VPS13B: variants seen among roughly 807,000 people sequenced by gnomAD.
The protein encoded by VPS13B is intermembrane lipid transfer protein VPS13B.
In VPS13B, 285 loss-of-function variants were observed where a neutral mutation model predicts 426.4. That is an observed-to-expected ratio of 0.67 (90% CI 0.61 to 0.74). The LOEUF is 0.74. Ranked by LOEUF, VPS13B falls within the 30% of genes least tolerant of loss-of-function variation. The probability of loss-of-function intolerance (pLI) is 0.00; values close to 1 mark genes in which losing one functional copy is unlikely to be tolerated. For synonymous variants in VPS13B, 1,676 were observed against 1,676.4 expected (o/e 1.00, Z 0.01); for missense variants, 4,537 against 4,782.6 (o/e 0.95, Z 1.51).
Position 99,872,319 on chromosome 8 carries a change from C to G in VPS13B, c.11745+622C>G, listed in dbSNP as rs78655322. On this transcript the variant is annotated intron_variant, in intron 61 of 61. Coordinates refer to ENST00000357162, the MANE Select transcript of VPS13B (RefSeq NM_152564.5). ...TTGTGAAGTGGTCTCTCTCTCAAATCCACTGCTTTGTATTCTGTGGCTGTG... is the reference window on the plus strand; with the variant it reads ...TTGTGAAGTGGTCTCTCTCTCAAATGCACTGCTTTGTATTCTGTGGCTGTG... Among the ~76,000 whole-genome samples, 401 of 152,316 alleles carry G rather than the reference C, an allele frequency of 2.6e-3. 3 individuals are homozygous for G. Among genetic ancestry groups the G allele is most frequent in the African/African-American group, 9.2e-3 (382 of 41,556 alleles).
chr8:99,192,773 T>G, intron 16 of VPS13B, 103 bp from the exon 17 acceptor site: 5 of 1,214,312 alleles, frequency 4.1e-6, no homozygotes, highest in Non-Finnish European at 5.9e-6. Flanking sequence ...CATACATACT[T>G]TGGATGTATA....
intron 7 of VPS13B, among the ~76,000 whole-genome samples, chr8:99,118,614 A>T (rs935359022): frequency 6.6e-6 from 1 of 152,062 alleles, no homozygotes; most frequent in Non-Finnish European, 1.5e-5. Context: ...AGTTTTGCTG[A>T]TTCTAGAATT....
chr8:99,473,691 G>T (rs1189444062), intron 24 of VPS13B, among the ~76,000 whole-genome samples: 1 of 152,024 alleles, frequency 6.6e-6, no homozygotes, highest in East Asian at 1.9e-4. Flanking sequence ...ATTAATAAAA[G>T]ATATAAAGAT....
intron 11 of VPS13B, 90 bp downstream of exon 11, chr8:99,135,823 A>G (rs910874900): frequency 6.5e-7 from 1 of 1,539,840 alleles, no homozygotes; most frequent in Admixed American, 1.7e-5. Flanking sequence ...TTCTTTTCAA[A>G]TAATGCCTTC....
At chr8:99,710,646 TC>T (rs11298366) in intron 36 of VPS13B, among the ~76,000 whole-genome samples, 152,253 of 152,254 alleles carry the variant, frequency 1, 76,126 homozygotes, top group Non-Finnish European at 1. Flanking sequence ...TGGTTTACTA[TC>T]CTGTAAGTGA....
chr8:99,032,552 C>G (rs1194828555), intron 2 of VPS13B, among the ~76,000 whole-genome samples: 7 of 141,016 alleles, frequency 5.0e-5, no homozygotes, highest in African/African-American at 1.8e-4. Context: ...TTTTTTGAGA[C>G]AGAGTCTCGC....
rs1192025517 is a variant in VPS13B at position 99,274,330 on chromosome 8, C to T, written c.2648C>T (p.Pro883Leu). The T allele has an allele frequency of 3.1e-6, 5 of 1,614,028 alleles. No individual in the cohort carries two copies. The highest frequency in any genetic ancestry group is 3.4e-6 in the Non-Finnish European group (4 of 1,179,990). The change falls in exon 18 of 62, where the codon CCA becomes CTA. Residue 883 changes from proline (P) to leucine (L), a missense_variant and splice_region_variant. Coordinates refer to ENST00000357162, the MANE Select transcript of VPS13B (RefSeq NM_152564.5). ...MGSIKICAKA[P>L]VDSGKEKLIP... The stretch of plus-strand genomic sequence containing the variant: ...TCAATAAAAATTTGTGCCAAAGCCC[C>T]AGGTATGTGCAGCTGGACCGTGTAA...
chr8:99,269,231 A>T (rs1818454306), intron 17 of VPS13B, among the ~76,000 whole-genome samples: 1 of 152,224 alleles, frequency 6.6e-6, no homozygotes, highest in South Asian at 2.1e-4. Context: ...TAATTTTATT[A>T]TAAAAATTGG....
chr8:99,228,812 A>C (rs1490442414), intron 17 of VPS13B, among the ~76,000 whole-genome samples: 3 of 152,164 alleles, frequency 2.0e-5, no homozygotes, highest in East Asian at 3.8e-4. Context: ...AGTGTGTGGT[A>C]AGTACTGCTG....
chr8:99,029,183 G>T (rs1225401839), intron 2 of VPS13B, among the ~76,000 whole-genome samples: 12 of 150,370 alleles, frequency 8.0e-5, no homozygotes, highest in Middle Eastern at 3.5e-3. Context: ...GACGATGGGC[G>T]GCCGGGCAGA....
chr8:99,720,836 A>G, intron 38 of VPS13B, 27 bp from the exon 39 acceptor site: 1 of 1,586,812 alleles, frequency 6.3e-7, no homozygotes, highest in Non-Finnish European at 8.6e-7. Context: ...TTTAAATCAT[A>G]CAATTAATTA....
At chr8:99,111,798 T>A (rs79078820) in intron 6 of VPS13B, among the ~76,000 whole-genome samples, 1 of 152,256 alleles carries the variant, frequency 6.6e-6, no homozygotes, top group South Asian at 2.1e-4. Flanking sequence ...AGGACATGTC[T>A]TTTTATTTTT....
intron 34 of VPS13B, among the ~76,000 whole-genome samples, chr8:99,642,831 G>T (rs1829426245): frequency 6.6e-6 from 1 of 152,110 alleles, no homozygotes; most frequent in Non-Finnish European, 1.5e-5. Context: ...CCATAGGTAT[G>T]CTTTCCATGT....
chr8:99,013,992 T>G lies in VPS13B; in HGVS notation c.147+57T>G. On this transcript the variant is annotated intron_variant, in intron 2 of 61. Transcript: ENST00000357162. ...AGTTTTCAGCTTGTTTAGACGGTAA[T>G]CTATTGTTTCCTAAGCTTTGACTTT... 1.9e-6 allele frequency: 3 copies of G among 1,612,432 alleles called. No homozygotes were observed. In the South Asian group the frequency reaches 3.3e-5, roughly 18 times the overall value.
At chr8:99,529,816 G>C (rs1028040881) in intron 30 of VPS13B, among the ~76,000 whole-genome samples, 4 of 152,198 alleles carry the variant, frequency 2.6e-5, no homozygotes, top group Admixed American at 1.3e-4. Flanking sequence ...CTCAACACCT[G>C]TCATAGTGTT....
chr8:99,840,905 T>G (rs1384284393), intron 54 of VPS13B, among the ~76,000 whole-genome samples: 1 of 152,230 alleles, frequency 6.6e-6, no homozygotes, highest in Non-Finnish European at 1.5e-5. Flanking sequence ...GCAGGTATTT[T>G]GACTTCTTGC....
intron 23 of VPS13B, among the ~76,000 whole-genome samples, chr8:99,450,627 C>T (rs1447532212): frequency 5.9e-5 from 9 of 152,084 alleles, no homozygotes; most frequent in South Asian, 2.1e-4. Flanking sequence ...GCAGGAGAAT[C>T]GCTTGAACCT....
chr8:99,435,677 C>CTCAGAG (rs1210932140), intron 22 of VPS13B, among the ~76,000 whole-genome samples: 5 of 152,098 alleles, frequency 3.3e-5, no homozygotes, highest in Non-Finnish European at 7.4e-5. Context: ...ACAGTGATTC[C>CTCAGAG]TCAGAGACTT....
At chr8:99,047,177 A>AT (rs557172627) in intron 3 of VPS13B, among the ~76,000 whole-genome samples, 5 of 151,498 alleles carry the variant, frequency 3.3e-5, no homozygotes, top group East Asian at 3.9e-4. Context: ...TTTGTTGGTA[A>AT]TTTTTTTTAT....
Sources: allele counts gnomAD v4.1 joint callset (sites outside exome capture counted in the v4.1 genomes callset), GRCh38; gene constraint gnomAD v4.1.1; transcripts MANE v1.5; gene names NCBI Gene and HGNC (gene_info 2026-07-23, HGNC 2026-07-21).